The following COPS2 variants were observed in gnomAD, a reference collection of about 807,000 sequenced individuals.
COPS2 encodes COP9 signalosome subunit 2, also known as COP9 signalosome complex subunit 2.
In COPS2, 10 loss-of-function variants were observed where a neutral mutation model predicts 66.1. The ratio of observed to expected loss-of-function variants is 0.15; its 90% CI spans 0.09 to 0.26. The LOEUF is 0.26. Among genes scored for constraint, COPS2 ranks in the 10% least tolerant of loss-of-function variants. COPS2 has a pLI of 1.00. For missense variants in COPS2, 215 were observed against 513.3 expected (o/e 0.42, Z 5.62); for synonymous variants, 179 against 171.3 (o/e 1.04, Z -0.35).
chr15:49,144,219 A>C lies in COPS2; in HGVS notation c.246+8T>G. 6.3e-7 allele frequency: 1 copy of C among 1,580,940 alleles called. No homozygotes were observed. Among genetic ancestry groups the C allele is most frequent in the Non-Finnish European group, 8.7e-7 (1 of 1,151,106 alleles). The stretch of plus-strand genomic sequence containing the variant: ...TATTAGTTTAATTCCCCTCAAAACA[A>C]ATCTTACCAACTTGAAGTTAATCTT... On this transcript the variant is annotated splice_region_variant and intron_variant, in intron 3 of 12. Transcript: ENST00000388901.
intron 1 of COPS2, among the ~76,000 whole-genome samples, chr15:49,151,922 A>T (rs903574227): frequency 1.3e-5 from 2 of 151,518 alleles, no homozygotes; most frequent in Non-Finnish European, 2.9e-5. Context: ...TTAATTTTTC[A>T]GGTGGTATCC....
At chr15:49,131,607 G>A (rs1220625842) in intron 9 of COPS2, among the ~76,000 whole-genome samples, 1 of 151,714 alleles carries the variant, frequency 6.6e-6, no homozygotes, top group African/African-American at 2.4e-5. Context: ...TCATATTAGG[G>A]GCACGTGATT....
chr15:49,145,052 C>A lies in COPS2; in HGVS notation c.81G>T (p.Glu27Asp). The A allele has an allele frequency of 6.3e-7, 1 of 1,586,886 alleles. No individual in the cohort carries two copies. Residue 27 changes from glutamate to aspartate, a missense_variant, in exon 2 of 13, where the codon GAG becomes GAT. Physicochemically the swap from Glu to Asp is conservative, Grantham distance 45. Around this residue, in one of 5 missense-constraint regions of COPS2, gnomAD observed 90 missense variants for 225.1 expected, o/e 0.40. Transcript: ENST00000388901. The part of the protein sequence containing the change: ...DLEYSEDSNS[E>D]PNVDLENQYY... ...ACTGATTTTCCAAATCCACATTTGG[C>A]TCGGAGTTACTATCTTCAGAGTATT...
intron 1 of COPS2, among the ~76,000 whole-genome samples, chr15:49,146,717 T>G (rs1241872051): frequency 2.0e-5 from 3 of 152,186 alleles, no homozygotes; most frequent in Non-Finnish European, 2.9e-5. Context: ...TCCACAAACT[T>G]TAGCAGCCTT....
chr15:49,139,470 C>T, intron 4 of COPS2, 58 bp downstream of exon 4: 3 of 1,383,498 alleles, frequency 2.2e-6, no homozygotes, highest in Non-Finnish European at 3.0e-6. Context: ...AAGAACAAAG[C>T]CCTTACTATA....
chr15:49,129,137 C>A (rs1000822599), intron 11 of COPS2, among the ~76,000 whole-genome samples: 2 of 151,656 alleles, frequency 1.3e-5, no homozygotes, highest in African/African-American at 4.8e-5. Flanking sequence ...CAATTTATGC[C>A]AAGAAAACAG....
In COPS2 at chr15:49,144,312, G is replaced by C. The variant is rs749900576; in HGVS notation, c.169-8C>G. On this transcript the variant is annotated splice_polypyrimidine_tract_variant and splice_region_variant and intron_variant, in intron 2 of 12. Transcript: ENST00000388901. ...ACCTTCAAGTTCCAAAACCTAAAAA[G>C]AGGAAGAAATTTTTAGTTTATCTTA... The C allele has an allele frequency of 1.7e-5, 26 of 1,564,904 alleles. No individual in the cohort carries two copies. Among genetic ancestry groups the C allele is most frequent in the Admixed American group, 1.4e-4 (8 of 58,040 alleles).
At chr15:49,133,611 C>T (rs917540237) in intron 9 of COPS2, 148 bp downstream of exon 9, 2 of 573,092 alleles carry the variant, frequency 3.5e-6, no homozygotes, top group Non-Finnish European at 6.1e-6. Context: ...TAATAAATAA[C>T]CTCAGAAGAT....
Position 49,125,123 on chromosome 15 carries a change from G to GTA in COPS2, c.*2825_*2826dup, listed in dbSNP as rs1353345591. The GTA allele has an allele frequency of 3.9e-5, 6 of 152,082 alleles. No individual in the cohort carries two copies. Among genetic ancestry groups the GTA allele is most frequent in the African/African-American group, 1.4e-4 (6 of 41,420 alleles). 9.4% of individuals were successfully genotyped at this position (152,082 alleles called of 1,614,324 possible). A position where few individuals can be genotyped will look rare whatever the true frequency, so the allele number is the denominator to read the frequency against. ...AAGGTAACAAACACTACCACCCACA[G>GTA]TATAGCTCATTTAAAATAGGCCTCA... On this transcript the variant is annotated 3_prime_UTR_variant, in exon 13 of 13. Transcript: ENST00000388901.
intron 9 of COPS2, among the ~76,000 whole-genome samples, chr15:49,132,571 C>CAAAAA (rs748471326): frequency 1.7e-5 from 1 of 59,884 alleles, no homozygotes; most frequent in African/African-American, 6.7e-5. Context: ...CATATATCTG[C>CAAAAA]AAAAAAAAAA....
intron 3 of COPS2, among the ~76,000 whole-genome samples, chr15:49,143,806 G>A (rs1316021236): frequency 2.0e-5 from 3 of 152,116 alleles, no homozygotes; most frequent in Non-Finnish European, 4.4e-5. Flanking sequence ...CTAACATGGT[G>A]AAAGCCCGTC....
intron 9 of COPS2, among the ~76,000 whole-genome samples, chr15:49,133,209 T>C (rs373237349): frequency 1.6e-4 from 25 of 152,100 alleles, no homozygotes; most frequent in South Asian, 6.2e-4. Context: ...AGGATGGTCT[T>C]GATCTCCTGA....
rs2084312287 is a variant in COPS2, at chr15:49,145,037, C to T, written c.96G>A (p.Leu32=). ...CTTTGGAATTATAGTACTGATTTTCCAAATCCACATTTGGCTCGGAGTTAC... is the reference window on the plus strand; with the variant it reads ...CTTTGGAATTATAGTACTGATTTTCTAAATCCACATTTGGCTCGGAGTTAC... ...EDSNSEPNVD[L]ENQYYNSKAL... Residue 32 remains leucine, a synonymous_variant, in exon 2 of 13, where the codon TTG becomes TTA. Transcript: ENST00000388901. 6.2e-7 allele frequency: 1 copy of T among 1,602,754 alleles called. No individual in the cohort carries two copies. The highest frequency in any genetic ancestry group is 1.1e-5 in the South Asian group (1 of 88,848).
At chr15:49,142,812 A>G (rs1047926673) in intron 3 of COPS2, among the ~76,000 whole-genome samples, 1 of 152,110 alleles carries the variant, frequency 6.6e-6, no homozygotes, top group Non-Finnish European at 1.5e-5. Flanking sequence ...TTATGAGTTC[A>G]TTCAATAAAA....
At chr15:49,137,602 C>T in intron 4 of COPS2, 165 bp from the exon 5 acceptor site, 1 of 569,130 alleles carries the variant, frequency 1.8e-6, no homozygotes, top group Non-Finnish European at 3.1e-6. Flanking sequence ...CAAACTGAAG[C>T]AAAATACAGA....
chr15:49,142,062 C>T (rs2084293145), intron 3 of COPS2, among the ~76,000 whole-genome samples: 1 of 152,180 alleles, frequency 6.6e-6, no homozygotes, highest in Non-Finnish European at 1.5e-5. Context: ...GCTTCTTCCA[C>T]AGCCTTCTAA....
chr15:49,132,162 G>A (rs2084214593), intron 9 of COPS2, among the ~76,000 whole-genome samples: 1 of 151,928 alleles, frequency 6.6e-6, no homozygotes, highest in African/African-American at 2.4e-5. Flanking sequence ...AAACAACTTT[G>A]GTTCTTAGTT....
intron 3 of COPS2, among the ~76,000 whole-genome samples, chr15:49,142,627 T>C (rs76712217): frequency 0.018 from 2,673 of 152,330 alleles, 99 homozygotes; most frequent in African/African-American, 0.062. Flanking sequence ...TTCAACTTCA[T>C]CTTTCTCTCA....
chr15:49,137,056 TA>T, intron 6 of COPS2, 93 bp downstream of exon 6: 1 of 762,846 alleles, frequency 1.3e-6, no homozygotes, highest in Non-Finnish European at 2.1e-6. Flanking sequence ...ATGCTTAAAC[TA>T]AAACATCCCT....
Sources: allele counts gnomAD v4.1 joint callset (sites outside exome capture counted in the v4.1 genomes callset), GRCh38; gene constraint gnomAD v4.1.1; regional missense constraint gnomAD v4.1.1; transcripts MANE v1.5; gene names NCBI Gene and HGNC (gene_info 2026-07-23, HGNC 2026-07-21).